The following OR2AG2 variants were observed in gnomAD, a reference collection of about 807,000 sequenced individuals.
The protein encoded by OR2AG2 is olfactory receptor family 2 subfamily AG member 2.
For synonymous variants in OR2AG2, 167 were observed against 157.1 expected (o/e 1.06, Z -0.47); for missense variants, 390 against 391.9 (o/e 1.00, Z 0.04).
rs1018423543 is a variant in OR2AG2, at chr11:6,767,883, A to C, written c.*124T>G. The C allele has an allele frequency of 1.3e-6, 1 of 773,968 alleles. No homozygotes were observed. The highest frequency in any genetic ancestry group is 2.2e-5 in the South Asian group (1 of 45,620). The allele number at this position is 773,968 out of a possible 1,614,324, so 47.9% of individuals were successfully genotyped here. The stretch of plus-strand genomic sequence containing the variant: ...AATAAAAGTAAAATTTAAAAAATGT[A>C]TCTATCATCTCAGAGTACAGTATTG... On this transcript the variant is annotated 3_prime_UTR_variant, in exon 2 of 2. Transcript: ENST00000641124.
rs551829856 is a variant in OR2AG2, at chr11:6,768,754, G to A, written c.204C>T (p.Leu68=). 4 of 1,614,160 alleles carry A rather than the reference G, an allele frequency of 2.5e-6. No individual in the cohort carries two copies. The highest frequency in any genetic ancestry group is 3.3e-5 in the Admixed American group (2 of 60,022). ...PMYLLLGQLS[L]MDLLFTSVVT... ...CAACAGATGTGAACAGGAGGTCCAT[G>A]AGAGAGAGCTGCCCAAGCAGGAGGT... The change falls in exon 2 of 2, where the codon CTC becomes CTT. Residue 68 remains leucine (L), a synonymous_variant. Transcript: ENST00000641124.
rs141878691 is a variant in OR2AG2 at position 6,768,621 on chromosome 11, G to C, written c.337C>G (p.Leu113Val). 2 of 1,614,084 alleles carry C rather than the reference G, an allele frequency of 1.2e-6. No individual in the cohort carries two copies. The highest frequency in any genetic ancestry group is 1.7e-6 in the Non-Finnish European group (2 of 1,180,046). The change falls in exon 2 of 2, where the codon CTC becomes GTC. Residue 113 changes from leucine to valine, a missense_variant. Physicochemically the swap from Leu to Val is conservative, Grantham distance 32. Transcript: ENST00000641124. Reference sequence around the variant, plus strand: ...TCATAGGCCATGAAGGCCAGTAGGAGGTCCTCAGCGCTACCCATTGTCAGT... The same window carrying C: ...TCATAGGCCATGAAGGCCAGTAGGACGTCCTCAGCGCTACCCATTGTCAGT... ...LALTMGSAED[L>V]LLAFMAYDRY...
In OR2AG2 at chr11:6,767,021, T is replaced by C. The variant is rs748197716; in HGVS notation, c.*986A>G. The C allele has an allele frequency of 2.6e-5, 4 of 152,322 alleles. No individual in the cohort carries two copies. The highest frequency in any genetic ancestry group is 2.9e-5 in the Non-Finnish European group (2 of 68,012). The allele number at this position is 152,322 out of a possible 1,614,324, so 9.4% of individuals were successfully genotyped here. On this transcript the variant is annotated 3_prime_UTR_variant, in exon 2 of 2. Coordinates refer to ENST00000641124, the MANE Select transcript of OR2AG2 (RefSeq NM_001004490.2). ...AAAATGCCCATTTTCAAAAAGACTG[T>C]CAAAATTTCCAAGTAGAAATATCTT...
rs1847417262 is a variant in OR2AG2 at position 6,769,065 on chromosome 11, A to G, written c.-108T>C. The G allele has an allele frequency of 3.0e-6, 2 of 677,632 alleles. No individual in the cohort carries two copies. The highest frequency in any genetic ancestry group is 4.9e-6 in the Non-Finnish European group (2 of 404,212). 42.0% of individuals were successfully genotyped at this position (677,632 alleles called of 1,614,324 possible). On this transcript the variant is annotated 5_prime_UTR_variant, in exon 2 of 2. Coordinates refer to ENST00000641124, the MANE Select transcript of OR2AG2 (RefSeq NM_001004490.2). ...TCTAGGTCACTGTGCATTGGCCAAT[A>G]GGAATCCCATAATATGATATATTTT...
chr11:6,770,163 A>AATT (rs1456368826), intron 1 of OR2AG2, among the ~76,000 whole-genome samples: 2 of 152,112 alleles, frequency 1.3e-5, no homozygotes, highest in Non-Finnish European at 2.9e-5. Flanking sequence ...TCATTCAATA[A>AATT]ATATTTACTA....
Position 6,768,465 on chromosome 11 carries a change from G to A in OR2AG2, c.493C>T (p.His165Tyr), listed in dbSNP as rs1327367095. ...TCCCAGGACACACAGAAAGGGAGGTGCATAGTGTACATGGTATGTCCTATA... is the reference window on the plus strand; with the variant it reads ...TCCCAGGACACACAGAAAGGGAGGTACATAGTGTACATGGTATGTCCTATA... ...IAIGHTMYTM[H>Y]LPFCVSWEIR... The change falls in exon 2 of 2, where the codon CAC becomes TAC. Residue 165 changes from histidine to tyrosine, a missense_variant. By Grantham distance (83) the His-to-Tyr change is moderately conservative. Coordinates refer to ENST00000641124, the MANE Select transcript of OR2AG2 (RefSeq NM_001004490.2). The A allele has an allele frequency of 1.2e-6, 2 of 1,614,166 alleles. No homozygotes were observed. Among genetic ancestry groups the A allele is most frequent in the Non-Finnish European group, 8.5e-7 (1 of 1,180,032 alleles).
In OR2AG2 at chr11:6,765,855, C is replaced by G. The variant is rs1409503783; in HGVS notation, c.*2152G>C. ...AAGTAGATTTTAACTTTTCCTAATGCAAAAAAGATAAGTATGTGGAGTAAA... is the reference window on the plus strand; with the variant it reads ...AAGTAGATTTTAACTTTTCCTAATGGAAAAAAGATAAGTATGTGGAGTAAA... On this transcript the variant is annotated 3_prime_UTR_variant, in exon 2 of 2. Transcript: ENST00000641124. The G allele has an allele frequency of 6.6e-6, 1 of 151,712 alleles. No individual in the cohort carries two copies. Among genetic ancestry groups the G allele is most frequent in the African/African-American group, 2.4e-5 (1 of 41,330 alleles). 9.4% of individuals were successfully genotyped at this position (151,712 alleles called of 1,614,324 possible).
Position 6,768,120 on chromosome 11 carries a change from T to A in OR2AG2, c.838A>T (p.Ile280Phe). Residue 280 changes from isoleucine to phenylalanine, a missense_variant, in exon 2 of 2, where the codon ATT becomes TTT. Physicochemically the swap from Ile to Phe is conservative, Grantham distance 21. Transcript: ENST00000641124. ...QDNIISVFYT[I>F]VTPALNPLIY... ...AGTGGATTCAGGGCTGGAGTGACAA[T>A]TGTGTAGAAAACAGAGATGATGTTG... is the stretch of plus-strand genomic sequence containing the variant. 1 of 1,614,040 alleles carries A rather than the reference T, an allele frequency of 6.2e-7. No individual in the cohort carries two copies. Among genetic ancestry groups the A allele is most frequent in the Non-Finnish European group, 8.5e-7 (1 of 1,180,018 alleles).
chr11:6,766,598 C>T lies in OR2AG2; in HGVS notation c.*1409G>A, dbSNP rs1229054611. The T allele has an allele frequency of 6.6e-6, 1 of 152,028 alleles. No individual in the cohort carries two copies. Among genetic ancestry groups the T allele is most frequent in the African/African-American group, 2.4e-5 (1 of 41,392 alleles). 9.4% of individuals were successfully genotyped at this position (152,028 alleles called of 1,614,324 possible). A position where few individuals can be genotyped will look rare whatever the true frequency, so the allele number is the denominator to read the frequency against. On this transcript the variant is annotated 3_prime_UTR_variant, in exon 2 of 2. Transcript: ENST00000641124. ...AGAATTATTGTGTTTTGACAAAGCA[C>T]TATTCTCAAGAATAATAACACCTAT...
rs746856799 is a variant in OR2AG2 at position 6,768,482 on chromosome 11, T to C, written c.476A>G (p.His159Arg). 3.1e-6 allele frequency: 5 copies of C among 1,614,154 alleles called. No individual in the cohort carries two copies. Among genetic ancestry groups the C allele is most frequent in the East Asian group, 2.2e-5 (1 of 44,872 alleles). ...AGGGAGGTGCATAGTGTACATGGTA[T>C]GTCCTATAGCAATCAGGGATGCCAG... The part of the protein sequence containing the change: ...WILASLIAIG[H>R]TMYTMHLPFC... Residue 159 changes from histidine to arginine, a missense_variant, in exon 2 of 2, where the codon CAT (histidine) becomes CGT (arginine). Transcript: ENST00000641124.
Position 6,768,878 on chromosome 11 carries a change from A to G in OR2AG2, c.80T>C (p.Leu27Pro). ...ILNDSGSPEL[L>P]YATFTILYML... ...GTATAGGATTGTAAATGTAGCATAG[A>G]GCAGTTCAGGAGACCCACTGTCATT... is the stretch of plus-strand genomic sequence containing the variant. The change falls in exon 2 of 2, where the codon CTC becomes CCC. Residue 27 changes from leucine (L) to proline (P), a missense_variant. Leu to Pro is a moderately conservative substitution (Grantham distance 98). Transcript: ENST00000641124. 6.2e-7 allele frequency: 1 copy of G among 1,614,094 alleles called. No individual in the cohort carries two copies. The highest frequency in any genetic ancestry group is 1.1e-5 in the South Asian group (1 of 91,064).
rs2119647083 is a variant in OR2AG2, at chr11:6,766,438, T to C, written c.*1569A>G. ...AGAAAAATTTATAAGTGATTTTTGATTTATTCTAATTTTTTTAATTTTCTC... is the reference window on the plus strand; with the variant it reads ...AGAAAAATTTATAAGTGATTTTTGACTTATTCTAATTTTTTTAATTTTCTC... On this transcript the variant is annotated 3_prime_UTR_variant, in exon 2 of 2. Transcript: ENST00000641124. 6.6e-6 allele frequency: 1 copy of C among 152,338 alleles called. No individual in the cohort carries two copies. The highest frequency in any genetic ancestry group is 1.9e-4 in the East Asian group (1 of 5,190). 9.4% of individuals were successfully genotyped at this position (152,338 alleles called of 1,614,324 possible). A position where few individuals can be genotyped will look rare whatever the true frequency, so the allele number is the denominator to read the frequency against.
In OR2AG2 at chr11:6,768,063, G is replaced by C. The variant is rs7924459; in HGVS notation, c.895C>G (p.Arg299Gly). 0.12 allele frequency: 198,933 copies of C among 1,613,524 alleles called. 17,829 individuals are homozygous for C. Among genetic ancestry groups the C allele is most frequent in the African/African-American group, 0.43 (32,210 of 74,838 alleles). Residue 299 changes from arginine (R) to glycine (G), a missense_variant, in exon 2 of 2, where the codon CGG (arginine) becomes GGG (glycine). Transcript: ENST00000641124. ...IYSLRNKEVM[R>G]ALRRVLGKYI... ...TTTCCCAGGACCCTCCTCAAGGCCC[G>C]CATGACCTCCTTATTCCTCAGGCTG...
Position 6,768,817 on chromosome 11 carries a change from C to T in OR2AG2, c.141G>A (p.Leu47=), listed in dbSNP as rs1305498971. The T allele has an allele frequency of 6.2e-7, 1 of 1,614,106 alleles. No individual in the cohort carries two copies. The highest frequency in any genetic ancestry group is 8.5e-7 in the Non-Finnish European group (1 of 1,180,024). ...GGAGCCGGGCTTCTATGGTGATGGC[C>T]AGGAGCAGCAGACCATTGCTGGTCA... The part of the protein sequence containing the change: ...LALTSNGLLL[L]AITIEARLHM... The change falls in exon 2 of 2, where the codon CTG becomes CTA. Residue 47 remains leucine (L), a synonymous_variant. Transcript: ENST00000641124.
rs1232331319 is a variant in OR2AG2 at position 6,768,891 on chromosome 11, A to T, written c.67T>A (p.Ser23Thr). ...ILVGILNDSG[S>T]PELLYATFTI... ...AATGTAGCATAGAGCAGTTCAGGAG[A>T]CCCACTGTCATTCAGAATCCCCACC... Residue 23 changes from serine to threonine, a missense_variant, in exon 2 of 2, where the codon TCT becomes ACT. Transcript: ENST00000641124. The T allele has an allele frequency of 6.2e-7, 1 of 1,613,516 alleles. No homozygotes were observed. Among genetic ancestry groups the T allele is most frequent in the South Asian group, 1.1e-5 (1 of 91,032 alleles).
At position 6,768,921 on chromosome 11, in the gene OR2AG2, T is replaced by G. The variant is rs1353389779; in HGVS notation, c.37A>C (p.Ile13Leu). ...CTGTCATTCAGAATCCCCACCAAGA[T>G]GAAGCCGCTTCCCAAGGTGGAGTTC... ...LRNSTLGSGF[I>L]LVGILNDSGS... The change falls in exon 2 of 2, where the codon ATC (isoleucine) becomes CTC (leucine). Residue 13 changes from isoleucine (I) to leucine (L), a missense_variant. Transcript: ENST00000641124. 2.5e-6 allele frequency: 4 copies of G among 1,612,160 alleles called. No individual in the cohort carries two copies. The highest frequency in any genetic ancestry group is 1.7e-5 in the Admixed American group (1 of 59,986).
At chr11:6,769,843 A>T (rs1163788019) in intron 1 of OR2AG2, among the ~76,000 whole-genome samples, 1 of 152,142 alleles carries the variant, frequency 6.6e-6, no homozygotes, top group East Asian at 1.9e-4. Context: ...CCCTGAATCC[A>T]TATGATAGCT....
At chr11:6,770,717 C>A (rs1198021769) in intron 1 of OR2AG2, among the ~76,000 whole-genome samples, 1 of 152,164 alleles carries the variant, frequency 6.6e-6, no homozygotes, top group Non-Finnish European at 1.5e-5. Context: ...GAAATGCCTT[C>A]ATTTTTCTTG....
chr11:6,767,573 A>G lies in OR2AG2; in HGVS notation c.*434T>C, dbSNP rs925749795. 6.1e-6 allele frequency: 1 copy of G among 162,790 alleles called. No individual in the cohort carries two copies. Among genetic ancestry groups the G allele is most frequent in the African/African-American group, 2.4e-5 (1 of 41,734 alleles). The allele number at this position is 162,790 out of a possible 1,614,324, so 10.1% of individuals were successfully genotyped here. On this transcript the variant is annotated 3_prime_UTR_variant, in exon 2 of 2. Coordinates refer to ENST00000641124, the MANE Select transcript of OR2AG2 (RefSeq NM_001004490.2). ...ATTAGTAGTTTAAGAATCTGCTTCA[A>G]AGGGAGTAGTCCTCCTCTGATGCTG...
Sources: allele counts gnomAD v4.1 joint callset (sites outside exome capture counted in the v4.1 genomes callset), GRCh38; gene constraint gnomAD v4.1.1; transcripts MANE v1.5; gene names NCBI Gene and HGNC (gene_info 2026-07-23, HGNC 2026-07-21).